Variants in SPATA16 observed in about 807,000 individuals in gnomAD.
SPATA16 encodes the protein spermatogenesis associated 16.
SPATA16 carries 36 observed loss-of-function variants against 63.3 expected under a neutral mutation model. The ratio of observed to expected loss-of-function variants is 0.57; its 90% confidence interval spans 0.44 to 0.75. SPATA16 has a LOEUF of 0.75. Ranked by LOEUF, SPATA16 falls within the 30% of genes least tolerant of loss-of-function variation. The pLI, the probability that SPATA16 is intolerant of heterozygous loss-of-function variation, is 0.00. For missense variants in SPATA16, 646 were observed against 679.3 expected (o/e 0.95, Z 0.54); for synonymous variants, 203 against 216.7 (o/e 0.94, Z 0.56).
chr3:172,924,517 G>A (rs1265092319), intron 7 of SPATA16, among the ~76,000 whole-genome samples, 200 bp from the exon 8 acceptor site: 3 of 152,102 alleles, frequency 2.0e-5, no homozygotes, highest in Non-Finnish European at 4.4e-5. Flanking sequence ...CTGCCCTTTC[G>A]ACACTATCAT....
chr3:173,015,995 G>A (rs1369648819), intron 4 of SPATA16, among the ~76,000 whole-genome samples: 1 of 151,954 alleles, frequency 6.6e-6, no homozygotes, highest in East Asian at 1.9e-4. Context: ...ATGTTAAAAA[G>A]CTTTGCAACT....
intron 5 of SPATA16, among the ~76,000 whole-genome samples, chr3:172,970,656 T>C (rs1280839915): frequency 1.3e-5 from 2 of 152,184 alleles, no homozygotes; most frequent in African/African-American, 4.8e-5. Context: ...ATTTAGAAAC[T>C]CTCTGCCTGA....
chr3:173,134,111 T>C (rs1262940644), intron 1 of SPATA16, among the ~76,000 whole-genome samples: 1 of 152,196 alleles, frequency 6.6e-6, no homozygotes, highest in Admixed American at 6.5e-5. Flanking sequence ...ATGGCTTTGA[T>C]GCAAGGATAA....
chr3:173,098,744 CA>C (rs1371539919), intron 2 of SPATA16, among the ~76,000 whole-genome samples: 7 of 152,046 alleles, frequency 4.6e-5, no homozygotes, highest in African/African-American at 1.4e-4. Flanking sequence ...GTGCACTTAC[CA>C]AAATATGCCA....
intron 2 of SPATA16, among the ~76,000 whole-genome samples, chr3:173,108,816 A>G (rs1737680852): frequency 1.3e-5 from 2 of 152,178 alleles, no homozygotes; most frequent in African/African-American, 2.4e-5. Flanking sequence ...ACAATTGCCT[A>G]CAGCACTCAG....
At chr3:173,082,257 A>C (rs1020659194) in intron 2 of SPATA16, among the ~76,000 whole-genome samples, 3 of 152,208 alleles carry the variant, frequency 2.0e-5, no homozygotes, top group Non-Finnish European at 4.4e-5. Flanking sequence ...CATTAAACAA[A>C]GTATGTTCTA....
At chr3:173,099,754 G>A (rs181180944) in intron 2 of SPATA16, among the ~76,000 whole-genome samples, 5 of 152,330 alleles carry the variant, frequency 3.3e-5, no homozygotes, top group Admixed American at 2.6e-4. Flanking sequence ...GTCATGTTGT[G>A]TGGGGGTGAG....
chr3:172,948,313 C>T (rs866007630), intron 6 of SPATA16, among the ~76,000 whole-genome samples: 5 of 152,008 alleles, frequency 3.3e-5, no homozygotes, highest in South Asian at 4.2e-4. Context: ...TAGGCCAGGC[C>T]GGAGTAGCAT....
At chr3:173,107,259 C>T (rs1247600752) in intron 2 of SPATA16, among the ~76,000 whole-genome samples, 1 of 150,868 alleles carries the variant, frequency 6.6e-6, no homozygotes, top group Non-Finnish European at 1.5e-5. Flanking sequence ...AATCAATGAT[C>T]AATATTCATA....
At chr3:172,903,290 T>G (rs1451567903) in intron 10 of SPATA16, among the ~76,000 whole-genome samples, 1 of 152,232 alleles carries the variant, frequency 6.6e-6, no homozygotes, top group Non-Finnish European at 1.5e-5. Flanking sequence ...ACCAGAATAT[T>G]ACACTGAAAT....
intron 2 of SPATA16, among the ~76,000 whole-genome samples, chr3:173,064,833 T>C (rs1368317183): frequency 6.6e-6 from 1 of 152,132 alleles, no homozygotes; most frequent in Non-Finnish European, 1.5e-5. Flanking sequence ...CAGAATGTGA[T>C]GACTTGGCAG....
chr3:173,052,472 T>C (rs973394548), intron 2 of SPATA16, among the ~76,000 whole-genome samples: 5 of 152,188 alleles, frequency 3.3e-5, no homozygotes, highest in Admixed American at 6.5e-5. Context: ...TGTTGTAAGA[T>C]TGACAACTTT....
At chr3:172,972,658 C>G (rs1210868942) in intron 5 of SPATA16, among the ~76,000 whole-genome samples, 1 of 151,948 alleles carries the variant, frequency 6.6e-6, no homozygotes, top group East Asian at 1.9e-4. Context: ...TATTAGAGAT[C>G]CTGCTGAAAA....
intron 3 of SPATA16, among the ~76,000 whole-genome samples, chr3:173,029,406 G>GTTTTTTTTTT (rs57233262): frequency 5.7e-5 from 8 of 139,856 alleles, no homozygotes; most frequent in African/African-American, 1.1e-4. Flanking sequence ...AGTAATCAGA[G>GTTTTTTTTTT]TTTTTTTTTT....
intron 6 of SPATA16, among the ~76,000 whole-genome samples, chr3:172,942,759 T>C (rs1398090936): frequency 2.6e-5 from 4 of 152,290 alleles, no homozygotes; most frequent in Admixed American, 2.6e-4. Flanking sequence ...ACAAATGGTA[T>C]ATTAATGACA....
intron 2 of SPATA16, among the ~76,000 whole-genome samples, chr3:173,115,898 C>CTT (rs1213897661): frequency 7.0e-6 from 1 of 143,072 alleles, no homozygotes; most frequent in African/African-American, 2.6e-5. Context: ...TTTTTTTTTT[C>CTT]TTTTTTTTTT....
intron 5 of SPATA16, among the ~76,000 whole-genome samples, chr3:172,976,566 A>G (rs1393960002): frequency 2.0e-5 from 3 of 152,140 alleles, no homozygotes; most frequent in Admixed American, 1.3e-4. Flanking sequence ...AAACAAATAC[A>G]TCTGATCTTT....
chr3:173,049,563 A>G (rs1279003456), intron 2 of SPATA16, among the ~76,000 whole-genome samples: 1 of 152,198 alleles, frequency 6.6e-6, no homozygotes, highest in African/African-American at 2.4e-5. Context: ...TAATATAATA[A>G]GAGGTATCGG....
chr3:172,947,005 T>A (rs73882544), intron 6 of SPATA16, among the ~76,000 whole-genome samples: 13,245 of 152,040 alleles, frequency 0.087, 1,927 homozygotes, highest in African/African-American at 0.3. Context: ...AGAGAGAGAC[T>A]CCACTTGTTA....
Sources: gnomAD v4.1 joint callset for allele counts (sites outside exome capture counted in the v4.1 genomes callset) on GRCh38, gnomAD v4.1.1 for gene constraint, MANE v1.5 for transcripts, NCBI Gene and HGNC (gene_info 2026-07-23, HGNC 2026-07-21) for gene names.